ZNF600: variants seen among roughly 807,000 people sequenced by gnomAD.
ZNF600 encodes zinc finger protein KR-ZNF1.
A neutral mutation model predicts 7.3 loss-of-function variants in ZNF600; 4 were observed. The observed-to-expected ratio is 0.55, with a 90% CI of 0.27 to 1.25. The LOEUF (loss-of-function observed/expected upper bound fraction) is 1.25. ZNF600 is among the 50% of genes most tolerant of loss of function. The pLI is 0.12. For missense variants in ZNF600, 911 were observed against 922.1 expected (o/e 0.99, Z 0.16); for synonymous variants, 290 against 308.9 (o/e 0.94, Z 0.64).
the ZNF600 span, among the ~76,000 whole-genome samples, chr19:52,819,280 C>T: frequency 7.1e-6 from 1 of 140,970 alleles, no homozygotes; most frequent in Non-Finnish European, 1.5e-5. Context: ...TGGAGGGTTC[C>T]CTGCCAGGCA....
upstream of ZNF600, among the ~76,000 whole-genome samples, chr19:52,787,470 G>A (rs7258969): frequency 0.066 from 9,187 of 140,198 alleles, 1,046 homozygotes; most frequent in African/African-American, 0.23. Context: ...GCAGTGGCAC[G>A]ATTTTGGCTC....
chr19:52,821,741 C>A, the ZNF600 span: 1 of 152,102 alleles, frequency 6.6e-6, no homozygotes, highest in Non-Finnish European at 1.5e-5. Flanking sequence ...CGAGACCTTG[C>A]CCTTTAGAAC....
the ZNF600 span, among the ~76,000 whole-genome samples, chr19:52,822,849 A>C: frequency 3.3e-5 from 5 of 152,192 alleles, no homozygotes; most frequent in Admixed American, 2.6e-4. Flanking sequence ...GTCAGCAGTA[A>C]ATAATAAAAT....
At chr19:52,772,128 T>A (rs148361359) in intron 3 of ZNF600, among the ~76,000 whole-genome samples, 6,053 of 151,910 alleles carry the variant, frequency 0.04, 371 homozygotes, top group African/African-American at 0.13. Context: ...GCCTGACCAA[T>A]ATGGAGAAAC....
intron 3 of ZNF600, among the ~76,000 whole-genome samples, chr19:52,769,934 AAATT>A (rs375893528): frequency 2.3e-4 from 35 of 152,354 alleles, no homozygotes; most frequent in African/African-American, 7.0e-4. Context: ...AAAATTATAA[AAATT>A]AATTAATAAA....
chr19:52,791,209 G>A (rs1049483234), upstream of ZNF600, among the ~76,000 whole-genome samples: 1 of 152,204 alleles, frequency 6.6e-6, no homozygotes, highest in African/African-American at 2.4e-5. Context: ...AACAATGCAG[G>A]CTGTGCAGCA....
At chr19:52,827,133 T>C in the ZNF600 span, among the ~76,000 whole-genome samples, 1 of 151,194 alleles carries the variant, frequency 6.6e-6, no homozygotes, top group Admixed American at 6.6e-5. Context: ...TCATCCTAGC[T>C]CCTTGGGAGG....
At chr19:52,824,715 T>C in the ZNF600 span, among the ~76,000 whole-genome samples, 1 of 152,056 alleles carries the variant, frequency 6.6e-6, no homozygotes, top group East Asian at 1.9e-4. Context: ...CCAGTCTGAT[T>C]GGAGAGTGTT....
the ZNF600 span, chr19:52,798,839 T>C: frequency 1.9e-5 from 21 of 1,125,088 alleles, no homozygotes; most frequent in Non-Finnish European, 2.7e-5. Flanking sequence ...TTTGTGACAA[T>C]CATTATATTA....
chr19:52,780,143 T>C lies in ZNF600; in HGVS notation c.-19-1236A>G, dbSNP rs145948484. On this transcript the variant is annotated intron_variant, in intron 1 of 3. Transcript: ENST00000648973. ...CTCCCACCTTCCCAGACCAAATCAA[T>C]GTACTTCTTACATATATTGATTGAT... is the stretch of plus-strand genomic sequence containing the variant. 2.6e-3 allele frequency among the ~76,000 whole-genome samples: 390 copies of C among 152,320 alleles called. 2 individuals are homozygous for C. The highest frequency in any genetic ancestry group is 8.9e-3 in the African/African-American group (369 of 41,578).
chr19:52,832,738 G>A, the ZNF600 span, among the ~76,000 whole-genome samples: 28 of 152,174 alleles, frequency 1.8e-4, no homozygotes, highest in Middle Eastern at 3.4e-3. Flanking sequence ...TTGTACTCCA[G>A]AACTAAGCTA....
chr19:52,812,452 A>C, the ZNF600 span, among the ~76,000 whole-genome samples: 1 of 122,826 alleles, frequency 8.1e-6, no homozygotes, highest in East Asian at 2.0e-4. Flanking sequence ...GATCCTGTTG[A>C]TCTGTGACCT....
At chr19:52,769,840 C>T (rs1052909115) in intron 3 of ZNF600, among the ~76,000 whole-genome samples, 7 of 152,128 alleles carry the variant, frequency 4.6e-5, no homozygotes, top group East Asian at 1.9e-4. Context: ...CAGGTGTGAG[C>T]CACTGTACCT....
At chr19:52,791,616 A>G (rs1490097403), upstream of ZNF600, among the ~76,000 whole-genome samples, 2 of 151,566 alleles carry the variant, frequency 1.3e-5, no homozygotes, top group Non-Finnish European at 2.9e-5. Flanking sequence ...GTCAGAAATG[A>G]CTCACTCCCT....
rs1372011623 is a variant in ZNF600 at position 52,765,844 on chromosome 19, A to T, written c.2119T>A (p.Tyr707Asn). The T allele has an allele frequency of 1.2e-6, 2 of 1,613,850 alleles. No individual in the cohort carries two copies. Among genetic ancestry groups the T allele is most frequent in the Non-Finnish European group, 1.7e-6 (2 of 1,179,850 alleles). ...ACTTTGTCACATGTTTCACATTTGT[A>T]AAGTTTCTCCCCAGCATGAATTCTA... The change falls in exon 4 of 4, where the codon TAC becomes AAC. Residue 707 changes from tyrosine to asparagine, a missense_variant. Physicochemically the swap from Tyr to Asn is moderately radical, Grantham distance 143. Transcript: ENST00000648973.
rs572563655 is a variant in ZNF600 at position 52,786,266 on chromosome 19, A to C, written c.-20+329T>G. Reference sequence around the variant, plus strand: ...GGGAGCAGCAGGGCCCGGCACCAGGAGGGACGTGGTGGGCGACGGCACCCT... The same window carrying C: ...GGGAGCAGCAGGGCCCGGCACCAGGCGGGACGTGGTGGGCGACGGCACCCT... On this transcript the variant is annotated intron_variant, in intron 1 of 3. Coordinates refer to ENST00000648973, the Ensembl canonical transcript of ZNF600. 2.7e-4 allele frequency among the ~76,000 whole-genome samples: 41 copies of C among 152,200 alleles called. No individual in the cohort carries two copies. In the South Asian group the frequency reaches 5.0e-3, roughly 18 times the overall value.
At chr19:52,812,867 A>T in the ZNF600 span, among the ~76,000 whole-genome samples, 1 of 150,436 alleles carries the variant, frequency 6.6e-6, no homozygotes, top group Non-Finnish European at 1.5e-5. Context: ...CATCACCCTG[A>T]TTACTATAGT....
the ZNF600 span, among the ~76,000 whole-genome samples, chr19:52,822,177 A>T: frequency 7.1e-6 from 1 of 141,144 alleles, no homozygotes; most frequent in Admixed American, 7.8e-5. Flanking sequence ...GGTTGAAGCG[A>T]TTCTTCTGCC....
At chr19:52,800,295 T>C in the ZNF600 span, 3 of 1,607,564 alleles carry the variant, frequency 1.9e-6, no homozygotes, top group Non-Finnish European at 1.7e-6. Context: ...CTCTCCAGTA[T>C]GAACTCTCTG....
Sources: gnomAD v4.1 joint callset for allele counts (sites outside exome capture counted in the v4.1 genomes callset) on GRCh38, gnomAD v4.1.1 for gene constraint, MANE v1.5 for transcripts, NCBI Gene and HGNC (gene_info 2026-07-23, HGNC 2026-07-21) for gene names.